Variants in RAD51C observed in about 807,000 individuals in gnomAD.
RAD51C encodes RAD51 paralog C.
A neutral mutation model predicts 45.0 loss-of-function variants in RAD51C; 42 were observed. That is an observed-to-expected ratio of 0.93 (90% CI 0.73 to 1.21). The LOEUF (loss-of-function observed/expected upper bound fraction) is 1.21. Among genes scored for constraint, RAD51C ranks in the 50% most tolerant of loss-of-function variants. RAD51C has a pLI of 0.00. For missense variants in RAD51C, 474 were observed against 452.2 expected, an observed-to-expected ratio of 1.05 and a Z score of -0.44; for synonymous variants, 172 against 159.8, an observed-to-expected ratio of 1.08 and a Z score of -0.58.
At chr17:58,721,339 GT>G (rs1300249002) in intron 6 of RAD51C, among the ~76,000 whole-genome samples, 1 of 152,138 alleles carries the variant, frequency 6.6e-6, no homozygotes, top group East Asian at 1.9e-4. Context: ...CCCCCAGGGA[GT>G]TCACAGTGTT....
At chr17:58,695,336 A>T in intron 2 of RAD51C, 147 bp downstream of exon 2, 1 of 1,404,104 alleles carries the variant, frequency 7.1e-7, no homozygotes, top group East Asian at 2.5e-5. Flanking sequence ...TTAGCTTACT[A>T]TTTGTGTTAC....
chr17:58,699,546 T>C (rs1483943602), intron 3 of RAD51C, among the ~76,000 whole-genome samples: 1 of 152,094 alleles, frequency 6.6e-6, no homozygotes, highest in Non-Finnish European at 1.5e-5. Context: ...CACCCTGAAA[T>C]ATGCCACTTT....
At chr17:58,696,325 C>T (rs192808280) in intron 2 of RAD51C, among the ~76,000 whole-genome samples, 12 of 152,044 alleles carry the variant, frequency 7.9e-5, no homozygotes, top group Non-Finnish European at 1.0e-4. Context: ...CCTAGCTACT[C>T]GGGCAGCTGA....
intron 7 of RAD51C, among the ~76,000 whole-genome samples, chr17:58,726,948 G>A (rs1257446597): frequency 6.6e-6 from 1 of 152,064 alleles, no homozygotes; most frequent in East Asian, 1.9e-4. Context: ...AGCCTCCCGA[G>A]TAGCTGGTAC....
chr17:58,722,367 A>G (rs117532330), intron 6 of RAD51C, among the ~76,000 whole-genome samples: 2 of 152,298 alleles, frequency 1.3e-5, no homozygotes, highest in East Asian at 3.9e-4. Context: ...GAAGTGTTCT[A>G]TGTCTGTGCT....
At chr17:58,713,965 C>T (rs994125276) in intron 5 of RAD51C, among the ~76,000 whole-genome samples, 3 of 151,802 alleles carry the variant, frequency 2.0e-5, no homozygotes, top group Non-Finnish European at 4.4e-5. Flanking sequence ...TTAACCACCT[C>T]CTTATTGATG....
intron 3 of RAD51C, among the ~76,000 whole-genome samples, chr17:58,699,302 G>A (rs695137): frequency 0.25 from 37,771 of 152,030 alleles, 5,457 homozygotes; most frequent in Middle Eastern, 0.42. Flanking sequence ...TACAGCGCCC[G>A]GCCTATTGTT....
chr17:58,710,304 A>C (rs1598485365), intron 5 of RAD51C, among the ~76,000 whole-genome samples: 1 of 137,988 alleles, frequency 7.2e-6, no homozygotes, highest in East Asian at 2.0e-4. Flanking sequence ...ACATGGTGAA[A>C]CCCTGTCTCT....
intron 4 of RAD51C, among the ~76,000 whole-genome samples, chr17:58,709,246 T>G (rs1348802209): frequency 6.6e-6 from 1 of 151,812 alleles, no homozygotes; most frequent in Non-Finnish European, 1.5e-5. Flanking sequence ...GCCTGGCTAA[T>G]TTTTGTAGTT....
chr17:58,707,310 G>T (rs554898121), intron 4 of RAD51C, among the ~76,000 whole-genome samples: 1 of 152,220 alleles, frequency 6.6e-6, no homozygotes, highest in East Asian at 1.9e-4. Context: ...CCTGAGGTCA[G>T]GAGTTCAAGA....
chr17:58,698,606 G>C (rs945915104), intron 3 of RAD51C, among the ~76,000 whole-genome samples: 1 of 151,596 alleles, frequency 6.6e-6, no homozygotes. Flanking sequence ...TGGGATTATA[G>C]GCGTGAGCCA....
At position 58,696,716 on chromosome 17, in the gene RAD51C, A is replaced by G. The variant is rs587780255; in HGVS notation, c.428A>G (p.Gln143Arg). ...AGTATGCAGTTGGCAGTAGATGTGC[A>G]GATACCAGAATGTTTTGGAGGAGTG... The part of the protein sequence containing the change: ...QLCMQLAVDV[Q>R]IPECFGGVAG... The change falls in exon 3 of 9, where the codon CAG becomes CGG. Residue 143 changes from glutamine (Q) to arginine (R), a missense_variant. Coordinates refer to ENST00000337432, the MANE Select transcript of RAD51C (RefSeq NM_058216.3). The G allele has an allele frequency of 1.0e-4, 166 of 1,614,102 alleles. No homozygotes were observed. Among genetic ancestry groups the G allele is most frequent in the Non-Finnish European group, 1.3e-4 (157 of 1,180,042 alleles).
chr17:58,726,754 G>T (rs1260064192), intron 7 of RAD51C, among the ~76,000 whole-genome samples: 1 of 151,994 alleles, frequency 6.6e-6, no homozygotes, highest in East Asian at 1.9e-4. Flanking sequence ...ATGAGATCAG[G>T]CACATTCAGG....
At chr17:58,696,637 AAC>A in intron 2 of RAD51C, 54 bp from the exon 3 acceptor site, 1 of 1,610,768 alleles carries the variant, frequency 6.2e-7, no homozygotes, top group Non-Finnish European at 8.5e-7. Flanking sequence ...GGAGTTCAAA[AAC>A]ACTACCTTAG....
intron 1 of RAD51C, chr17:58,694,422 G>A (rs1378388698): frequency 1.2e-5 from 2 of 162,982 alleles, no homozygotes; most frequent in African/African-American, 4.8e-5. Context: ...TTGTTTCTGA[G>A]GTAATAGGTA....
chr17:58,720,424 A>T (rs556041845), intron 5 of RAD51C, among the ~76,000 whole-genome samples: 63 of 147,732 alleles, frequency 4.3e-4, no homozygotes, highest in Admixed American at 8.9e-4. Flanking sequence ...TCAAAAAAAA[A>T]AATAAAATAA....
chr17:58,708,738 C>T (rs2048455233), intron 4 of RAD51C, among the ~76,000 whole-genome samples: 1 of 151,740 alleles, frequency 6.6e-6, no homozygotes, highest in Admixed American at 6.6e-5. Context: ...TTGCTCTGTC[C>T]CCCAGGCTGG....
chr17:58,721,713 C>T (rs554987039), intron 6 of RAD51C, among the ~76,000 whole-genome samples: 6 of 151,454 alleles, frequency 4.0e-5, no homozygotes, highest in South Asian at 4.2e-4. Context: ...AAGCCACGGT[C>T]GCGCCATTGC....
At chr17:58,732,014 A>G (rs1325819420) in intron 7 of RAD51C, among the ~76,000 whole-genome samples, 1 of 152,206 alleles carries the variant, frequency 6.6e-6, no homozygotes, top group East Asian at 1.9e-4. Flanking sequence ...ATTACTGCAG[A>G]CAGTTTGGAA....
Sources: allele counts gnomAD v4.1 joint callset (sites outside exome capture counted in the v4.1 genomes callset), GRCh38; gene constraint gnomAD v4.1.1; transcripts MANE v1.5; gene names NCBI Gene and HGNC (gene_info 2026-07-23, HGNC 2026-07-21).